The following SERBP1 variants were observed in gnomAD, a reference collection of about 807,000 sequenced individuals.
SERBP1 encodes the protein SERPINE1 mRNA-binding protein 1.
Under a neutral mutation model 50.2 loss-of-function variants are expected in SERBP1, and 6 were observed. The observed-to-expected ratio is 0.12, with a 90% CI of 0.07 to 0.24. SERBP1 has a LOEUF of 0.24. SERBP1 is among the 10% of genes least tolerant of loss of function. The pLI, the probability that SERBP1 is intolerant of heterozygous loss-of-function variation, is 1.00. For synonymous variants in SERBP1, 168 were observed against 182.8 expected (o/e 0.92, Z 0.65); for missense variants, 346 against 524.9 (o/e 0.66, Z 3.33).
rs1318650032 is a variant in SERBP1 at position 67,411,991 on chromosome 1, C to T, written c.*1216G>A. On this transcript the variant is annotated 3_prime_UTR_variant, in exon 8 of 8. Transcript: ENST00000361219. ...GATAATTACCACTTTCTGTGGAATA[C>T]TCAACTTACAACCAAATAATAGCAA... is the stretch of plus-strand genomic sequence containing the variant. The T allele has an allele frequency of 1.3e-5, 2 of 152,544 alleles. No individual in the cohort carries two copies. Among genetic ancestry groups the T allele is most frequent in the Non-Finnish European group, 2.9e-5 (2 of 68,002 alleles). The allele number at this position is 152,544 out of a possible 1,614,324, so 9.4% of individuals were successfully genotyped here.
chr1:67,425,804 T>C (rs896520239), intron 2 of SERBP1, among the ~76,000 whole-genome samples: 1 of 152,224 alleles, frequency 6.6e-6, no homozygotes, highest in African/African-American at 2.4e-5. Context: ...ATGCCCAATT[T>C]ATAGCTTAAC....
At chr1:67,427,771 G>A (rs1446317797) in intron 1 of SERBP1, among the ~76,000 whole-genome samples, 1 of 152,114 alleles carries the variant, frequency 6.6e-6, no homozygotes, top group African/African-American at 2.4e-5. Flanking sequence ...CCTACCTAAT[G>A]AAAAAGACTG....
In SERBP1 at chr1:67,425,137, C is replaced by G; in HGVS notation, c.551G>C (p.Gly184Ala). The change falls in exon 3 of 8, where the codon GGA becomes GCA. Residue 184 changes from glycine (G) to alanine (A), a missense_variant. This residue lies in a region of SERBP1 where 257 missense variants were observed against 331.2 expected (regional missense o/e 0.78). Coordinates refer to ENST00000361219, the MANE Select transcript of SERBP1 (RefSeq NM_001018069.2). Reference protein sequence around the residue: ...GRGRGMGRGDGFDSRGKREFD... With the variant: ...GRGRGMGRGDAFDSRGKREFD... The stretch of plus-strand genomic sequence containing the variant: ...TTCACGTTTGCCACGAGAATCAAAT[C>G]CATCTCCTCGGCCCATTCCACGTCC... The G allele has an allele frequency of 3.1e-6, 5 of 1,611,682 alleles. No individual in the cohort carries two copies. The highest frequency in any genetic ancestry group is 3.4e-6 in the Non-Finnish European group (4 of 1,179,752).
intron 2 of SERBP1, among the ~76,000 whole-genome samples, chr1:67,425,768 A>G (rs574124722): frequency 4.6e-5 from 7 of 152,282 alleles, no homozygotes; most frequent in Non-Finnish European, 1.0e-4. Flanking sequence ...AATAGAAACA[A>G]TTAGCCAGAC....
intron 5 of SERBP1, 147 bp from the exon 6 acceptor site, chr1:67,420,333 G>A (rs1027889963): frequency 1.8e-5 from 12 of 663,754 alleles, no homozygotes; most frequent in Non-Finnish European, 3.0e-5. Flanking sequence ...AGTTTCCTAT[G>A]TAACTAAGCA....
intron 5 of SERBP1, 118 bp from the exon 6 acceptor site, chr1:67,420,304 T>A (rs1009068982): frequency 8.4e-6 from 8 of 954,888 alleles, no homozygotes; most frequent in Non-Finnish European, 1.2e-5. Context: ...GAAAGATTAT[T>A]CAAGGATGAG....
chr1:67,415,108 C>A, intron 7 of SERBP1, 58 bp downstream of exon 7: 1 of 1,481,734 alleles, frequency 6.7e-7, no homozygotes, highest in South Asian at 1.5e-5. Context: ...TCTGACCCAG[C>A]CAGTGACTTA....
At position 67,408,535 on chromosome 1, in the gene SERBP1, A is replaced by G. The variant is rs1156385771; in HGVS notation, c.*4672T>C. The stretch of plus-strand genomic sequence containing the variant: ...AGTACAGAAGTAATCAACAGCACAA[A>G]AGCTAAATTCTGTCCAAATGGGAAT... On this transcript the variant is annotated 3_prime_UTR_variant, in exon 8 of 8. Transcript: ENST00000361219. The G allele has an allele frequency of 2.0e-5, 3 of 151,602 alleles. No homozygotes were observed. The highest frequency in any genetic ancestry group is 4.4e-5 in the Non-Finnish European group (3 of 67,906). 9.4% of individuals were successfully genotyped at this position (151,602 alleles called of 1,614,324 possible). A position where few individuals can be genotyped will look rare whatever the true frequency, so the allele number is the denominator to read the frequency against.
intron 5 of SERBP1, among the ~76,000 whole-genome samples, chr1:67,420,773 T>C (rs531598652): frequency 6.6e-6 from 1 of 152,334 alleles, no homozygotes; most frequent in African/African-American, 2.4e-5. Context: ...CAAACCAACC[T>C]GTATATGGAA....
In SERBP1 at chr1:67,412,832, C is replaced by G. The variant is rs140414534; in HGVS notation, c.*375G>C. ...TTGTAATTGGGGGAACTTCTAAATC[C>G]TTAATTAAAAAACACAAATGAAGTG... is the stretch of plus-strand genomic sequence containing the variant. On this transcript the variant is annotated 3_prime_UTR_variant, in exon 8 of 8. Coordinates refer to ENST00000361219, the MANE Select transcript of SERBP1 (RefSeq NM_001018069.2). 587 of 178,166 alleles carry G rather than the reference C, an allele frequency of 3.3e-3. 23 individuals carry two copies. In the East Asian group the frequency reaches 0.072, roughly 22 times the overall value. 11.0% of individuals were successfully genotyped at this position (178,166 alleles called of 1,614,324 possible). A position where few individuals can be genotyped will look rare whatever the true frequency, so the allele number is the denominator to read the frequency against.
chr1:67,422,490 A>C (rs757533721), intron 5 of SERBP1, among the ~76,000 whole-genome samples: 5 of 151,982 alleles, frequency 3.3e-5, no homozygotes, highest in Non-Finnish European at 5.9e-5. Context: ...AGCACAGGCA[A>C]CAAGAGCAAA....
At chr1:67,426,049 A>C (rs1667363237) in intron 2 of SERBP1, 86 bp downstream of exon 2, 12 of 1,121,040 alleles carry the variant, frequency 1.1e-5, no homozygotes, top group Non-Finnish European at 1.5e-5. Context: ...CAGGAAGCAG[A>C]GGCTGCAGTG....
intron 6 of SERBP1, among the ~76,000 whole-genome samples, chr1:67,417,600 T>C (rs991136897): frequency 4.6e-5 from 7 of 152,110 alleles, no homozygotes; most frequent in South Asian, 2.1e-4. Flanking sequence ...AACCTCTGCC[T>C]CCTGGGCTCA....
chr1:67,422,511 A>G (rs1667232853), intron 5 of SERBP1, among the ~76,000 whole-genome samples: 1 of 143,964 alleles, frequency 6.9e-6, no homozygotes, highest in Admixed American at 6.9e-5. Context: ...ACTCCATCTC[A>G]AAAAAAAAAA....
At chr1:67,414,183 C>A (rs1666930661) in intron 7 of SERBP1, among the ~76,000 whole-genome samples, 1 of 152,134 alleles carries the variant, frequency 6.6e-6, no homozygotes. Flanking sequence ...ATACTTTTTC[C>A]ACTTGCTAAA....
intron 4 of SERBP1, chr1:67,424,527 T>C: frequency 2.0e-6 from 1 of 508,006 alleles, no homozygotes; most frequent in Non-Finnish European, 3.4e-6. Flanking sequence ...GGCAGTTAAT[T>C]ATAAAATGAA....
In SERBP1 at chr1:67,411,234, CTA is replaced by C. The variant is rs1277587557; in HGVS notation, c.*1971_*1972del. 1 of 152,070 alleles carries C rather than the reference CTA, an allele frequency of 6.6e-6. No individual in the cohort carries two copies. Among genetic ancestry groups the C allele is most frequent in the Middle Eastern group, 3.2e-3 (1 of 316 alleles). The allele number at this position is 152,070 out of a possible 1,614,324, so 9.4% of individuals were successfully genotyped here. A position where few individuals can be genotyped will look rare whatever the true frequency, so the allele number is the denominator to read the frequency against. On this transcript the variant is annotated 3_prime_UTR_variant, in exon 8 of 8. Coordinates refer to ENST00000361219, the MANE Select transcript of SERBP1 (RefSeq NM_001018069.2). Reference sequence around the variant, plus strand: ...AAAGCTTGCAACATACCAGATATTGCTATGTTGTCTCTCACGACAGCAATGGA... The same window carrying C: ...AAAGCTTGCAACATACCAGATATTGCTGTTGTCTCTCACGACAGCAATGGA...
intron 7 of SERBP1, among the ~76,000 whole-genome samples, chr1:67,413,535 A>G (rs1666906656): frequency 6.6e-6 from 1 of 151,716 alleles, no homozygotes; most frequent in African/African-American, 2.4e-5. Context: ...CTGTGATCCC[A>G]CTACTCAAGA....
intron 6 of SERBP1, 85 bp downstream of exon 6, chr1:67,419,924 C>T (rs977415556): frequency 8.4e-7 from 1 of 1,190,368 alleles, no homozygotes. Flanking sequence ...AGACAAATAA[C>T]CCATGTGAAA....
Sources: allele counts gnomAD v4.1 joint callset (sites outside exome capture counted in the v4.1 genomes callset), GRCh38; gene constraint gnomAD v4.1.1; regional missense constraint gnomAD v4.1.1; transcripts MANE v1.5; gene names NCBI Gene and HGNC (gene_info 2026-07-23, HGNC 2026-07-21).